DYSF: variants seen among roughly 807,000 people sequenced by gnomAD.
The protein encoded by DYSF is dystrophy-associated fer-1-like 1.
Under a neutral mutation model 274.9 loss-of-function variants are expected in DYSF, and 212 were observed. The observed-to-expected ratio is 0.77, with a 90% CI of 0.69 to 0.86. The LOEUF is 0.86. Ranked by LOEUF, DYSF falls within the 40% of genes least tolerant of loss-of-function variation. The pLI, the probability that DYSF is intolerant of heterozygous loss-of-function variation, is 0.00. For synonymous variants in DYSF, 1,091 were observed against 1,078.7 expected (o/e 1.01, Z -0.22); for missense variants, 2,666 against 2,783.2 (o/e 0.96, Z 0.95).
intron 36 of DYSF, among the ~76,000 whole-genome samples, chr2:71,607,111 G>C (rs141256503): frequency 6.6e-6 from 1 of 152,228 alleles, no homozygotes; most frequent in African/African-American, 2.4e-5. Context: ...CTTTCTATGG[G>C]AATAAGTGTA....
At chr2:71,542,860 A>G (rs1319247755) in intron 17 of DYSF, among the ~76,000 whole-genome samples, 2 of 152,254 alleles carry the variant, frequency 1.3e-5, no homozygotes, top group Admixed American at 6.5e-5. Context: ...CATCATCATC[A>G]TGGCCCGTTC....
chr2:71,523,078 T>G (rs72827527), intron 12 of DYSF, among the ~76,000 whole-genome samples: 6 of 152,262 alleles, frequency 3.9e-5, no homozygotes, highest in African/African-American at 1.2e-4. Context: ...TTCTCTCTCA[T>G]GAATGCCACA....
intron 3 of DYSF, among the ~76,000 whole-genome samples, chr2:71,489,835 A>C (rs772890188): frequency 2.0e-5 from 3 of 152,202 alleles, no homozygotes; most frequent in Non-Finnish European, 4.4e-5. Context: ...CAGGGACCCC[A>C]CTGTCAGCAG....
At chr2:71,590,466 G>A (rs1458001377) in intron 32 of DYSF, among the ~76,000 whole-genome samples, 178 bp downstream of exon 32, 1 of 152,162 alleles carries the variant, frequency 6.6e-6, no homozygotes, top group Non-Finnish European at 1.5e-5. Flanking sequence ...ATGGCCTGCT[G>A]GTCTTCTTGG....
chr2:71,467,544 G>A (rs1201481977), intron 1 of DYSF, among the ~76,000 whole-genome samples: 2 of 152,160 alleles, frequency 1.3e-5, no homozygotes, highest in Admixed American at 1.3e-4. Flanking sequence ...AGGTATTTCT[G>A]TGTGGGGCAG....
chr2:71,526,409 GGTGGGCGATGGC>G, intron 13 of DYSF, 63 bp downstream of exon 13: 4 of 1,470,772 alleles, frequency 2.7e-6, no homozygotes, highest in East Asian at 4.7e-5. Context: ...GGCTGGTGGG[GGTGGGCGATGGC>G]GGGCGGGGTC....
At chr2:71,685,336 G>A (rs1297302373) in intron 55 of DYSF, among the ~76,000 whole-genome samples, 1 of 152,224 alleles carries the variant, frequency 6.6e-6, no homozygotes, top group African/African-American at 2.4e-5. Flanking sequence ...GTGTGGGGAT[G>A]TCAGATCCTA....
rs187860697 is a variant in DYSF at position 71,528,219 on chromosome 2, C to T, written c.1277-79C>T. ...CTTGCTCAGGTAGTCCCAGGACTGC[C>T]TGGAGACAGATGGGGGACAGTCAGG... On this transcript the variant is annotated intron_variant, in intron 13 of 55. Coordinates refer to ENST00000410020, the MANE Select transcript of DYSF (RefSeq NM_001130987.2). 113 of 1,321,420 alleles carry T rather than the reference C, an allele frequency of 8.6e-5. No homozygotes were observed. In the African/African-American group the frequency reaches 1.5e-3, roughly 17 times the overall value. The allele number at this position is 1,321,420 out of a possible 1,614,324, so 81.9% of individuals were successfully genotyped here.
intron 16 of DYSF, among the ~76,000 whole-genome samples, chr2:71,535,705 G>A (rs900556915): frequency 2.6e-5 from 4 of 152,124 alleles, no homozygotes; most frequent in South Asian, 2.1e-4. Context: ...GATGGGCTGC[G>A]GTGCTGCCCT....
intron 5 of DYSF, 54 bp from the exon 6 acceptor site, chr2:71,513,186 T>C (rs1244741468): frequency 6.6e-7 from 1 of 1,525,128 alleles, no homozygotes; most frequent in Non-Finnish European, 8.9e-7. Context: ...GTTGGTTTCC[T>C]TCACCCCAAC....
intron 44 of DYSF, among the ~76,000 whole-genome samples, chr2:71,659,860 C>T (rs747793932): frequency 1.3e-5 from 2 of 152,234 alleles, no homozygotes; most frequent in Non-Finnish European, 2.9e-5. Context: ...CCTTTACAGG[C>T]ATGAGGCTAG....
At chr2:71,520,940 C>T in intron 12 of DYSF, 36 bp downstream of exon 12, 1 of 1,596,058 alleles carries the variant, frequency 6.3e-7, no homozygotes, top group Non-Finnish European at 8.6e-7. Flanking sequence ...TTACGGTCCC[C>T]CACGCGGCAC....
chr2:71,464,628 G>T (rs542450126), upstream of DYSF, among the ~76,000 whole-genome samples: 12 of 152,136 alleles, frequency 7.9e-5, no homozygotes, highest in Admixed American at 3.3e-4. Flanking sequence ...GGCTTTCAAG[G>T]TCACGTAAGG....
Position 71,669,584 on chromosome 2 carries a change from TC to T in DYSF, c.5643-20del. ...TTGGAAATCTTAATGAGAACTATTC[TC>T]TAAAAACATGTATGTCTAGTTGGAT... On this transcript the variant is annotated intron_variant, in intron 50 of 55. Coordinates refer to ENST00000410020, the MANE Select transcript of DYSF (RefSeq NM_001130987.2). The T allele has an allele frequency of 6.2e-7, 1 of 1,614,208 alleles. No individual in the cohort carries two copies. The highest frequency in any genetic ancestry group is 8.5e-7 in the Non-Finnish European group (1 of 1,180,008).
intron 3 of DYSF, among the ~76,000 whole-genome samples, chr2:71,484,734 C>A (rs1280744598): frequency 6.6e-6 from 1 of 152,154 alleles, no homozygotes; most frequent in Non-Finnish European, 1.5e-5. Context: ...AAAATTAGTT[C>A]TCTGTAGGGA....
At chr2:71,597,967 C>T (rs1321481403) in intron 32 of DYSF, among the ~76,000 whole-genome samples, 8 of 152,178 alleles carry the variant, frequency 5.3e-5, no homozygotes, top group Non-Finnish European at 7.3e-5. Flanking sequence ...GACCTAGCCA[C>T]GTCAGTCTGG....
chr2:71,485,075 GA>G (rs1389859010), intron 3 of DYSF, among the ~76,000 whole-genome samples: 2 of 152,204 alleles, frequency 1.3e-5, no homozygotes, highest in Non-Finnish European at 2.9e-5. Context: ...CCGTTTACCA[GA>G]AACACCTTTC....
intron 42 of DYSF, among the ~76,000 whole-genome samples, chr2:71,646,378 C>T (rs941407397): frequency 1.3e-5 from 2 of 152,210 alleles, no homozygotes; most frequent in African/African-American, 4.8e-5. Flanking sequence ...CCTGCTTGAC[C>T]TCTGGAGGAG....
At chr2:71,682,801 G>T in intron 55 of DYSF, 124 bp downstream of exon 55, 1 of 1,370,692 alleles carries the variant, frequency 7.3e-7, no homozygotes. Context: ...GAGAGCCCCT[G>T]GTCTGATGAG....
Sources: allele counts gnomAD v4.1 joint callset (sites outside exome capture counted in the v4.1 genomes callset), GRCh38; gene constraint gnomAD v4.1.1; transcripts MANE v1.5; gene names NCBI Gene and HGNC (gene_info 2026-07-23, HGNC 2026-07-21).